The following CNTNAP5 variants were observed in gnomAD, a reference collection of about 807,000 sequenced individuals.
CNTNAP5 encodes the protein contactin associated protein family member 5.
CNTNAP5 carries 72 observed loss-of-function variants against 150.2 expected under a neutral mutation model. The observed-to-expected ratio is 0.48, with a 90% CI of 0.40 to 0.58. The LOEUF (loss-of-function observed/expected upper bound fraction) is 0.58, where lower values mean the gene tolerates loss of function less well. Among genes scored for constraint, CNTNAP5 ranks in the 20% least tolerant of loss-of-function variants. The pLI, the probability that CNTNAP5 is intolerant of heterozygous loss-of-function variation, is 0.00. For missense variants in CNTNAP5, 1,636 were observed against 1,626.2 expected, an observed-to-expected ratio of 1.01 and a Z score of -0.10; for synonymous variants, 672 against 619.8, an observed-to-expected ratio of 1.08 and a Z score of -1.25.
chr2:124,903,418 G>A (rs943628853), intron 22 of CNTNAP5, among the ~76,000 whole-genome samples: 6 of 151,984 alleles, frequency 3.9e-5, no homozygotes, highest in African/African-American at 1.2e-4. Context: ...ATACTGCTCC[G>A]AGAATTGAGG....
At chr2:124,098,432 A>T (rs953196469) in intron 1 of CNTNAP5, among the ~76,000 whole-genome samples, 2 of 152,154 alleles carry the variant, frequency 1.3e-5, no homozygotes, top group Admixed American at 1.3e-4. Flanking sequence ...TCAAGGGTGA[A>T]CTGTACTCAC....
At chr2:124,492,414 G>A (rs1391985320) in intron 7 of CNTNAP5, among the ~76,000 whole-genome samples, 1 of 152,114 alleles carries the variant, frequency 6.6e-6, no homozygotes, top group Non-Finnish European at 1.5e-5. Context: ...TGAGTTCTGA[G>A]TTCTTTGTTC....
chr2:124,389,928 T>C (rs1691067147), intron 3 of CNTNAP5, among the ~76,000 whole-genome samples: 1 of 152,172 alleles, frequency 6.6e-6, no homozygotes, highest in East Asian at 1.9e-4. Context: ...ATTGTACCTC[T>C]GCAATCCAGC....
At chr2:124,244,474 G>T (rs1389555370) in intron 3 of CNTNAP5, among the ~76,000 whole-genome samples, 1 of 152,088 alleles carries the variant, frequency 6.6e-6, no homozygotes, top group African/African-American at 2.4e-5. Flanking sequence ...GCAGGTAGAA[G>T]TTGCTGGATG....
At chr2:124,486,795 A>T (rs1693890745) in intron 7 of CNTNAP5, among the ~76,000 whole-genome samples, 2 of 152,346 alleles carry the variant, frequency 1.3e-5, no homozygotes, top group African/African-American at 2.4e-5. Context: ...CCATAAAAAA[A>T]TAGTGAAACT....
chr2:124,042,598 G>C (rs1278619184), intron 1 of CNTNAP5, among the ~76,000 whole-genome samples: 1 of 152,014 alleles, frequency 6.6e-6, no homozygotes, highest in African/African-American at 2.4e-5. Context: ...ACCAGTTTTA[G>C]GTTTTCAAAG....
intron 3 of CNTNAP5, among the ~76,000 whole-genome samples, chr2:124,336,541 C>T (rs1237538039): frequency 9.0e-6 from 1 of 110,630 alleles, no homozygotes; most frequent in African/African-American, 3.5e-5. Context: ...CACCCCACAA[C>T]AGTCTCCGGT....
chr2:124,739,710 A>G (rs958018505), intron 13 of CNTNAP5, among the ~76,000 whole-genome samples: 2 of 152,156 alleles, frequency 1.3e-5, no homozygotes, highest in Non-Finnish European at 2.9e-5. Context: ...TACCTGCACA[A>G]ATTCTTTCTC....
At chr2:124,593,084 A>C (rs1201193472) in intron 11 of CNTNAP5, among the ~76,000 whole-genome samples, 4 of 149,842 alleles carry the variant, frequency 2.7e-5, no homozygotes, top group African/African-American at 9.8e-5. Context: ...TCTCTAGTAC[A>C]TGTATGTATT....
rs554625446 is a variant in CNTNAP5, at chr2:124,863,955, C to G, written c.3218-1351C>G. ...TCCTCAATTCCAATTATTTTCCATT[C>G]CCACATATGTCCAAGGGAAGAGCTC... On this transcript the variant is annotated intron_variant, in intron 19 of 23. Transcript: ENST00000682447. 3.9e-5 allele frequency among the ~76,000 whole-genome samples: 6 copies of G among 152,252 alleles called. No homozygotes were observed. The South Asian group carries it at 1.2e-3, about 32-fold the overall frequency.
intron 3 of CNTNAP5, among the ~76,000 whole-genome samples, chr2:124,312,457 C>T (rs1031255856): frequency 3.3e-5 from 5 of 152,196 alleles, no homozygotes; most frequent in East Asian, 1.9e-4. Flanking sequence ...ACCCGCCCCC[C>T]GGCTTCAAGT....
At chr2:124,104,751 T>C (rs1285557235) in intron 1 of CNTNAP5, among the ~76,000 whole-genome samples, 1 of 152,132 alleles carries the variant, frequency 6.6e-6, no homozygotes, top group East Asian at 1.9e-4. Context: ...CTTTAGAACT[T>C]ACACACAATT....
At chr2:124,825,314 A>C (rs11886397) in intron 19 of CNTNAP5, among the ~76,000 whole-genome samples, 8,380 of 152,012 alleles carry the variant, frequency 0.055, 696 homozygotes, top group African/African-American at 0.18. Flanking sequence ...TTAGATTTTT[A>C]TCATCTCCAA....
At position 124,332,987 on chromosome 2, in the gene CNTNAP5, A is replaced by C. The variant is rs1345423707; in HGVS notation, c.382-84456A>C. Among the ~76,000 whole-genome samples, 3 of 152,188 alleles carry C rather than the reference A, an allele frequency of 2.0e-5. No individual in the cohort carries two copies. In the East Asian group the frequency reaches 5.8e-4, roughly 29 times the overall value. On this transcript the variant is annotated intron_variant, in intron 3 of 23. Coordinates refer to ENST00000682447, the MANE Select transcript of CNTNAP5 (RefSeq NM_001367498.1). ...ACTAAGTCAATTCAGTACCATGTAG[A>C]CAGAATACAAACCCAAAGATATACA... is the stretch of plus-strand genomic sequence containing the variant.
intron 4 of CNTNAP5, among the ~76,000 whole-genome samples, chr2:124,419,998 T>C (rs1404199883): frequency 7.3e-5 from 10 of 136,696 alleles, no homozygotes; most frequent in Non-Finnish European, 1.3e-4. Context: ...CTTTTTTTTT[T>C]TTTTTTTTTT....
rs1431647216 is a variant in CNTNAP5, at chr2:124,747,288, G to A, written c.2137G>A (p.Gly713Ser). The change falls in exon 14 of 24, where the codon GGT becomes AGT. Residue 713 changes from glycine (G) to serine (S), a missense_variant. Physicochemically the swap from Gly to Ser is moderately conservative, Grantham distance 56 (BLOSUM62 0). Transcript: ENST00000682447. ...CAATGAAAGGCACCCTTACTGGGGA[G>A]GTTCCCCTCCTGGGGTCCAGCAGTG... ...RSNERHPYWG[G>S]SPPGVQQCEC... 6.2e-7 allele frequency: 1 copy of A among 1,613,674 alleles called. No individual in the cohort carries two copies. The highest frequency in any genetic ancestry group is 8.5e-7 in the Non-Finnish European group (1 of 1,179,782).
At chr2:124,238,617 T>C (rs1277185042) in intron 2 of CNTNAP5, among the ~76,000 whole-genome samples, 2 of 152,178 alleles carry the variant, frequency 1.3e-5, no homozygotes, top group Admixed American at 6.6e-5. Context: ...AAATTTAAAC[T>C]GCAGAGTTTA....
At chr2:124,527,259 C>G (rs761341439) in intron 9 of CNTNAP5, 26 bp from the exon 10 acceptor site, 27 of 1,601,386 alleles carry the variant, frequency 1.7e-5, no homozygotes, top group Non-Finnish European at 2.3e-5. Flanking sequence ...CAGCATTCTT[C>G]TTCATCTTTT....
intron 3 of CNTNAP5, among the ~76,000 whole-genome samples, chr2:124,391,904 C>T (rs995049116): frequency 6.6e-6 from 1 of 152,102 alleles, no homozygotes; most frequent in East Asian, 1.9e-4. Flanking sequence ...TGCAGTGAGC[C>T]GAGATCGCGC....
Sources: allele counts gnomAD v4.1 joint callset (sites outside exome capture counted in the v4.1 genomes callset), GRCh38; gene constraint gnomAD v4.1.1; transcripts MANE v1.5; gene names NCBI Gene and HGNC (gene_info 2026-07-23, HGNC 2026-07-21).